Variants in RBMS3 observed in about 807,000 individuals in gnomAD.
RBMS3 encodes the protein RNA binding motif single stranded interacting protein 3, also known as RNA-binding motif, single-stranded-interacting protein 3.
Under a neutral mutation model 66.8 loss-of-function variants are expected in RBMS3, and 27 were observed. The ratio of observed to expected loss-of-function variants is 0.40; its 90% confidence interval spans 0.30 to 0.56. The LOEUF (loss-of-function observed/expected upper bound fraction) is 0.56. Ranked by LOEUF, RBMS3 falls within the 20% of genes least tolerant of loss-of-function variation. The pLI is 0.40. For missense variants in RBMS3, 513 were observed against 549.5 expected, an observed-to-expected ratio of 0.93 and a Z score of 0.66; for synonymous variants, 188 against 183.0, an observed-to-expected ratio of 1.03 and a Z score of -0.22.
chr3:29,779,706 A>AATATATAT lies in RBMS3; in HGVS notation c.637+16729_637+16736dup, dbSNP rs566888716. ...TCTCAGCAATCCTAGATTAAGATGA[A>AATATATAT]ATATATATATATATATATAAACAAC... On this transcript the variant is annotated intron_variant, in intron 6 of 14. Coordinates refer to ENST00000383767, the MANE Select transcript of RBMS3 (RefSeq NM_001003793.3). 6.8e-3 allele frequency among the ~76,000 whole-genome samples: 726 copies of AATATATAT among 107,050 alleles called. 28 individuals carry two copies. Among genetic ancestry groups the AATATATAT allele is most frequent in the African/African-American group, 0.017 (567 of 32,450 alleles). 70.2% of individuals were successfully genotyped at this position (107,050 alleles called of 152,430 possible). A position where few individuals can be genotyped will look rare whatever the true frequency, so the allele number is the denominator to read the frequency against.
rs187074358 is a variant in RBMS3, at chr3:29,445,094, A to G, written c.248+10179A>G. Among the ~76,000 whole-genome samples, 192 of 152,058 alleles carry G rather than the reference A, an allele frequency of 1.3e-3. 2 individuals carry two copies. Among genetic ancestry groups the G allele is most frequent in the African/African-American group, 4.3e-3 (179 of 41,536 alleles). ...GTACACTTCCAGATTTTTAAGTGGT[A>G]ACTGATAAATATTTAATGACAGAAT... On this transcript the variant is annotated intron_variant, in intron 2 of 14. Transcript: ENST00000383767.
intron 2 of RBMS3, among the ~76,000 whole-genome samples, chr3:29,466,756 C>T (rs2125789754): frequency 1.3e-5 from 2 of 152,236 alleles, no homozygotes; most frequent in South Asian, 2.1e-4. Flanking sequence ...ACAAATTAAG[C>T]ACTGTTTATG....
intron 4 of RBMS3, among the ~76,000 whole-genome samples, chr3:29,691,953 T>TTTTTTTTTTTTTTG (rs2052041949): frequency 1.7e-5 from 1 of 58,180 alleles, no homozygotes; most frequent in African/African-American, 6.7e-5. Flanking sequence ...CTCTCTATTT[T>TTTTTTTTTTTTTTG]TTTTTTTTTT....
chr3:29,646,917 C>A (rs147904059), intron 4 of RBMS3, among the ~76,000 whole-genome samples: 1 of 152,104 alleles, frequency 6.6e-6, no homozygotes, highest in African/African-American at 2.4e-5. Context: ...ATTCGGAATG[C>A]GTGTTAGATA....
At chr3:29,554,256 G>A (rs982670876) in intron 3 of RBMS3, among the ~76,000 whole-genome samples, 8 of 152,154 alleles carry the variant, frequency 5.3e-5, no homozygotes, top group Admixed American at 2.0e-4. Context: ...AGAAGCACAA[G>A]AGTCCAATGA....
At chr3:29,954,306 T>C (rs1577238528) in intron 12 of RBMS3, among the ~76,000 whole-genome samples, 1 of 151,902 alleles carries the variant, frequency 6.6e-6, no homozygotes, top group Non-Finnish European at 1.5e-5. Flanking sequence ...TTCCTAGATA[T>C]CCCCTATCCA....
At chr3:29,605,844 T>A (rs890422008) in intron 4 of RBMS3, among the ~76,000 whole-genome samples, 2 of 151,892 alleles carry the variant, frequency 1.3e-5, no homozygotes, top group African/African-American at 2.4e-5. Flanking sequence ...AACATGTTCA[T>A]TGCACTTCCA....
intron 6 of RBMS3, among the ~76,000 whole-genome samples, chr3:29,775,184 T>C (rs1045975620): frequency 1.3e-5 from 2 of 151,854 alleles, no homozygotes; most frequent in Non-Finnish European, 2.9e-5. Context: ...TCTAGGAAGC[T>C]AGTTTTAATG....
At chr3:29,336,536 T>C (rs1157529284) in intron 1 of RBMS3, among the ~76,000 whole-genome samples, 1 of 152,148 alleles carries the variant, frequency 6.6e-6, no homozygotes, top group Non-Finnish European at 1.5e-5. Context: ...AATGACTTTA[T>C]TGCGGAACGA....
At chr3:29,635,622 C>A (rs909139053) in intron 4 of RBMS3, among the ~76,000 whole-genome samples, 3 of 151,794 alleles carry the variant, frequency 2.0e-5, no homozygotes, top group Non-Finnish European at 4.4e-5. Flanking sequence ...TCCTTTTAAA[C>A]TGTTGGGTCA....
chr3:29,937,103 A>T (rs2034442), intron 11 of RBMS3, among the ~76,000 whole-genome samples: 135,736 of 152,038 alleles, frequency 0.89, 60,693 homozygotes, highest in East Asian at 0.99. Flanking sequence ...TTAAATATTG[A>T]AGAAAGAGCA....
At chr3:29,613,761 C>G (rs2048568584) in intron 4 of RBMS3, among the ~76,000 whole-genome samples, 1 of 151,924 alleles carries the variant, frequency 6.6e-6, no homozygotes, top group Non-Finnish European at 1.5e-5. Flanking sequence ...CATCACTAAT[C>G]ACCAGAGAAG....
intron 6 of RBMS3, among the ~76,000 whole-genome samples, chr3:29,811,542 T>TC (rs752884437): frequency 5.9e-5 from 9 of 152,182 alleles, no homozygotes; most frequent in Non-Finnish European, 1.0e-4. Flanking sequence ...GAGTCTACAT[T>TC]CTAAGGTCTC....
At position 29,288,955 on chromosome 3, in the gene RBMS3, C is replaced by G. The variant is rs140397791; in HGVS notation, c.75+7199C>G. Among the ~76,000 whole-genome samples the G allele has an allele frequency of 3.4e-3, 519 of 152,042 alleles. 6 individuals are homozygous for G. Among genetic ancestry groups the G allele is most frequent in the African/African-American group, 0.012 (482 of 41,520 alleles). On this transcript the variant is annotated intron_variant, in intron 1 of 14. Coordinates refer to ENST00000383767, the MANE Select transcript of RBMS3 (RefSeq NM_001003793.3). ...TCCCTTCTTGTTTTTCAAAAAGCCC[C>G]TGTTAGCTGAATTAATGAAAGCAAA... is the stretch of plus-strand genomic sequence containing the variant.
intron 4 of RBMS3, among the ~76,000 whole-genome samples, chr3:29,590,086 A>ATT (rs147732896): frequency 0.051 from 7,037 of 138,828 alleles, 399 homozygotes; most frequent in East Asian, 0.31. Flanking sequence ...AAAGGAGTTT[A>ATT]TTTATTTTTT....
chr3:29,644,758 A>G (rs967709088), intron 4 of RBMS3, among the ~76,000 whole-genome samples: 1 of 152,208 alleles, frequency 6.6e-6, no homozygotes, highest in African/African-American at 2.4e-5. Context: ...AAGTAGGATT[A>G]TAGCCGAAGA....
intron 10 of RBMS3, among the ~76,000 whole-genome samples, chr3:29,914,343 A>G (rs1277693003): frequency 4.0e-5 from 6 of 151,884 alleles, no homozygotes; most frequent in Non-Finnish European, 8.8e-5. Flanking sequence ...TTTCAAGGCC[A>G]GATAAAGATT....
At chr3:29,343,882 C>G (rs1186865697) in intron 1 of RBMS3, among the ~76,000 whole-genome samples, 1 of 152,192 alleles carries the variant, frequency 6.6e-6, no homozygotes, top group Non-Finnish European at 1.5e-5. Context: ...GGGCTGCACA[C>G]TGGTAGTTTG....
At chr3:29,819,457 T>C (rs563447495) in intron 6 of RBMS3, among the ~76,000 whole-genome samples, 2 of 152,314 alleles carry the variant, frequency 1.3e-5, no homozygotes, top group East Asian at 3.9e-4. Context: ...ATTCTTCATG[T>C]GTTGTATTAG....
Sources: allele counts gnomAD v4.1 joint callset (sites outside exome capture counted in the v4.1 genomes callset), GRCh38; gene constraint gnomAD v4.1.1; transcripts MANE v1.5; gene names NCBI Gene and HGNC (gene_info 2026-07-23, HGNC 2026-07-21).